The following ZNF550 variants were observed in gnomAD, a reference collection of about 807,000 sequenced individuals.
ZNF550 encodes zinc finger protein 550.
A neutral mutation model predicts 40.2 loss-of-function variants in ZNF550; 42 were observed. The observed-to-expected ratio is 1.05, with a 90% CI of 0.82 to 1.35. ZNF550 has a LOEUF of 1.35. Ranked by LOEUF, ZNF550 falls within the 40% of genes most tolerant of loss-of-function variation. ZNF550 has a pLI of 0.00. For synonymous variants in ZNF550, 223 were observed against 198.6 expected (o/e 1.12, Z -1.03); for missense variants, 549 against 525.2 (o/e 1.05, Z -0.44).
rs950772766 is a variant in ZNF550, at chr19:57,554,123, A to C, written c.155-1401T>G. The stretch of plus-strand genomic sequence containing the variant: ...AGCCTAGGAAGCAGAGGCTGCAGTG[A>C]GCTGAGATCATGGCACTGCACTTCA... On this transcript the variant is annotated intron_variant, in intron 2 of 4. Coordinates refer to ENST00000457177, the Ensembl canonical transcript of ZNF550. The surrounding 1 kb of genome is among the most constrained non-coding windows in gnomAD (Gnocchi z 4.5). The C allele has an allele frequency of 6.6e-6, 1 of 152,230 alleles. No homozygotes were observed. The highest frequency in any genetic ancestry group is 1.5e-5 in the Non-Finnish European group (1 of 68,084). 9.4% of individuals were successfully genotyped at this position (152,230 alleles called of 1,614,324 possible).
chr19:57,543,244 C>T lies in ZNF550; in HGVS notation c.*519-1G>A. The T allele has an allele frequency of 1.1e-6, 1 of 944,950 alleles. No individual in the cohort carries two copies. The highest frequency in any genetic ancestry group is 1.3e-6 in the Non-Finnish European group (1 of 793,082). The allele number at this position is 944,950 out of a possible 1,614,324, so 58.5% of individuals were successfully genotyped here. Reference sequence around the variant, plus strand: ...CTCTTTTCAACCTTAAGCAGTTTTTCTGAAATTATAAAATTTACTGTGAAC... The same window carrying T: ...CTCTTTTCAACCTTAAGCAGTTTTTTTGAAATTATAAAATTTACTGTGAAC... On this transcript the variant is annotated splice_acceptor_variant, in intron 4 of 4. Coordinates refer to ENST00000457177, the Ensembl canonical transcript of ZNF550. LOFTEE classifies it low-confidence loss of function (3UTR_SPLICE).
At chr19:57,552,716 C>G (rs76268300) in exon 3 of ZNF550, 2 of 1,597,512 alleles carry the variant, frequency 1.3e-6, no homozygotes, top group Middle Eastern at 1.7e-4. Context: ...TTTGGGAACC[C>G]GATGCCCTGT....
At chr19:57,558,396 A>C (rs1229680087) in intron 1 of ZNF550, among the ~76,000 whole-genome samples, 1 of 152,216 alleles carries the variant, frequency 6.6e-6, no homozygotes, top group Non-Finnish European at 1.5e-5. Context: ...CCATGCTGGT[A>C]GGAGGGGGTG....
intron 4 of ZNF550, among the ~76,000 whole-genome samples, chr19:57,546,293 C>G (rs1400264160): frequency 6.6e-6 from 1 of 151,868 alleles, no homozygotes; most frequent in Non-Finnish European, 1.5e-5. Context: ...CAAGAAATGC[C>G]TGAAGAGCTG....
chr19:57,546,408 A>G (rs1441527431), intron 4 of ZNF550: 29 of 887,794 alleles, frequency 3.3e-5, no homozygotes, highest in Non-Finnish European at 3.9e-5. Context: ...ACCAAAAAAT[A>G]AAACTGATCT....
exon 4 of ZNF550, chr19:57,547,957 G>A (rs754367151): frequency 4.3e-6 from 7 of 1,613,938 alleles, no homozygotes; most frequent in Non-Finnish European, 4.2e-6. Flanking sequence ...TGGCGGGTAA[G>A]TGGTTGGCTC....
rs781390222 is a variant in ZNF550, at chr19:57,547,708, G to A, written c.536C>T (p.Ala179Val). 132 of 1,614,058 alleles carry A rather than the reference G, an allele frequency of 8.2e-5. No individual in the cohort carries two copies. In the East Asian group the frequency reaches 2.0e-3, roughly 24 times the overall value. Residue 179 changes from alanine to valine, a missense_variant, in exon 4 of 5, where the codon GCA (alanine) becomes GTA (valine). Transcript: ENST00000457177. Reference sequence around the variant, plus strand: ...TGAGTCACATTCATGGAGAACATCTGCTGATAACCACTCTTGTAATGCCCT... The same window carrying A: ...TGAGTCACATTCATGGAGAACATCTACTGATAACCACTCTTGTAATGCCCT...
chr19:57,549,428 A>C (rs2090053322), intron 3 of ZNF550, among the ~76,000 whole-genome samples: 1 of 152,156 alleles, frequency 6.6e-6, no homozygotes, highest in Non-Finnish European at 1.5e-5. Context: ...CTGGGCAACA[A>C]GAGCAAAACT....
chr19:57,552,821 G>T, intron 2 of ZNF550, 99 bp from the exon 3 acceptor site: 2 of 835,632 alleles, frequency 2.4e-6, no homozygotes, highest in Non-Finnish European at 3.8e-6. Flanking sequence ...AGACATGAAT[G>T]CAGCTGCTCC....
intron 4 of ZNF550, chr19:57,544,127 C>T: frequency 1.0e-6 from 1 of 985,390 alleles, no homozygotes; most frequent in African/African-American, 1.7e-5. Context: ...CTTCCCTGCT[C>T]AAGGGCAGGA....
intron 2 of ZNF550, chr19:57,555,887 G>C (rs186236985): frequency 4.9e-5 from 15 of 306,240 alleles, no homozygotes; most frequent in African/African-American, 3.3e-4. Context: ...ATGTCTTCTG[G>C]GGGGCTGCCT....
chr19:57,552,488 T>C (rs28547388), intron 3 of ZNF550, 139 bp downstream of exon 3: 1 of 631,672 alleles, frequency 1.6e-6, no homozygotes, highest in Non-Finnish European at 2.8e-6. Flanking sequence ...ATGGACACTA[T>C]GACCCAAAGT....
chr19:57,559,807 G>T, exon 1 of ZNF550: 1 of 874,784 alleles, frequency 1.1e-6, no homozygotes, highest in Non-Finnish European at 1.5e-6. Flanking sequence ...ACAGTTCTGA[G>T]AGCGCGGACC....
At chr19:57,543,346 C>T (rs2089978297) in intron 4 of ZNF550, 1 of 299,642 alleles carries the variant, frequency 3.3e-6, no homozygotes, top group Non-Finnish European at 4.9e-6. Flanking sequence ...TTCCCTCCCT[C>T]TACACCCAAG....
intron 1 of ZNF550, among the ~76,000 whole-genome samples, chr19:57,558,007 T>C (rs905925768): frequency 6.6e-6 from 1 of 152,190 alleles, no homozygotes; most frequent in African/African-American, 2.4e-5. Context: ...GGCCCAGAGG[T>C]AAATGTCGTT....
exon 4 of ZNF550, chr19:57,546,724 T>C: frequency 1.6e-6 from 2 of 1,248,160 alleles, no homozygotes; most frequent in Non-Finnish European, 2.0e-6. Context: ...TTCCCCCTGG[T>C]ATGAATCCTT....
chr19:57,549,743 C>T (rs2090056058), intron 3 of ZNF550, among the ~76,000 whole-genome samples: 1 of 152,114 alleles, frequency 6.6e-6, no homozygotes. Context: ...GATTCCAGCA[C>T]AAAAGGGATG....
intron 2 of ZNF550, 34 bp downstream of exon 2, chr19:57,556,197 G>T (rs752712897): frequency 1.2e-6 from 2 of 1,613,456 alleles, no homozygotes; most frequent in African/African-American, 2.7e-5. Context: ...ATCAGGGTTA[G>T]GGTCCTCCTC....
In ZNF550 at chr19:57,556,290, G is replaced by C. The variant is rs150654848; in HGVS notation, c.95C>G (p.Ala32Gly). The C allele has an allele frequency of 5.6e-6, 9 of 1,614,008 alleles. No individual in the cohort carries two copies. The African/African-American group carries it at 9.3e-5, about 17-fold the overall frequency. ...CACCTCTCGGTACAGGGTCCTCTGG[G>C]CCAGGTCCAGCTGTCTCCACTCCTC... The change falls in exon 2 of 5, where the codon GCC becomes GGC. Residue 32 changes from alanine (A) to glycine (G), a missense_variant. Coordinates refer to ENST00000457177, the Ensembl canonical transcript of ZNF550.
Sources: allele counts gnomAD v4.1 joint callset (sites outside exome capture counted in the v4.1 genomes callset), GRCh38; gene constraint gnomAD v4.1.1; non-coding constraint Gnocchi (gnomAD v3.1); transcripts MANE v1.5; gene names NCBI Gene and HGNC (gene_info 2026-07-23, HGNC 2026-07-21).